RNF6: variants seen among roughly 807,000 people sequenced by gnomAD.
The protein encoded by RNF6 is E3 ubiquitin-protein ligase RNF6.
A neutral mutation model predicts 50.1 loss-of-function variants in RNF6; 21 were observed. The observed-to-expected ratio is 0.42, with a 90% CI of 0.30 to 0.60. RNF6 has a LOEUF of 0.60. Ranked by LOEUF, RNF6 falls within the 20% of genes least tolerant of loss-of-function variation. The pLI is 0.20. For synonymous variants in RNF6, 255 were observed against 291.8 expected, an observed-to-expected ratio of 0.87 and a Z score of 1.29; for missense variants, 698 against 838.2, an observed-to-expected ratio of 0.83 and a Z score of 2.07.
chr13:26,155,014 A>T (rs1177285789), intron 5 of RNF6, among the ~76,000 whole-genome samples: 1 of 151,916 alleles, frequency 6.6e-6, no homozygotes, highest in African/African-American at 2.4e-5. Flanking sequence ...TGGGCAAAAG[A>T]GCCAGATTCT....
At chr13:26,222,409 C>T (rs942073800), upstream of RNF6, 2 of 152,350 alleles carry the variant, frequency 1.3e-5, no homozygotes, top group Non-Finnish European at 2.9e-5. Flanking sequence ...GGCCAAATGC[C>T]CGGCCGCTCA....
rs1352050394 is a variant in RNF6 at position 26,213,308 on chromosome 13, C to T, written c.*516G>A. ...TAAAATTATATACCTATATATACACCTATGGTATGCTGCATATTAAATTTA... is the reference window on the plus strand; with the variant it reads ...TAAAATTATATACCTATATATACACTTATGGTATGCTGCATATTAAATTTA... On this transcript the variant is annotated 3_prime_UTR_variant, in exon 5 of 5. Transcript: ENST00000381588. 1 of 152,674 alleles carries T rather than the reference C, an allele frequency of 6.5e-6. No homozygotes were observed. The highest frequency in any genetic ancestry group is 6.5e-5 in the Admixed American group (1 of 15,276). 9.5% of individuals were successfully genotyped at this position (152,674 alleles called of 1,614,324 possible).
intron 5 of RNF6, among the ~76,000 whole-genome samples, chr13:26,188,864 G>T (rs1471373975): frequency 1.3e-5 from 2 of 151,706 alleles, no homozygotes; most frequent in East Asian, 3.9e-4. Context: ...TCTTGACCTC[G>T]TGATCTGCCC....
Position 26,173,510 on chromosome 13 carries a change from T to C in RNF6, n.769-41059A>G, listed in dbSNP as rs374113200. On this transcript the variant is annotated intron_variant and non_coding_transcript_variant, in intron 5 of 5. Transcript: ENST00000468480. Reference sequence around the variant, plus strand: ...ATTTTTGTAAATGTTTAAAAAGCCCTACAATTTCATATTTTGCTTATGGAT... The same window carrying C: ...ATTTTTGTAAATGTTTAAAAAGCCCCACAATTTCATATTTTGCTTATGGAT... Among the ~76,000 whole-genome samples, 10 of 152,272 alleles carry C rather than the reference T, an allele frequency of 6.6e-5. No homozygotes were observed. In the South Asian group the frequency reaches 1.0e-3, roughly 16 times the overall value.
intron 1 of RNF6, chr13:26,221,625 G>C (rs1460189284): frequency 6.6e-6 from 1 of 152,098 alleles, no homozygotes; most frequent in African/African-American, 2.4e-5. Flanking sequence ...TGTTACCAGG[G>C]TTAGGCGTCT....
In RNF6 at chr13:26,215,327, C is replaced by T. The variant is rs373878974; in HGVS notation, c.555G>A (p.Arg185=). The stretch of plus-strand genomic sequence containing the variant: ...CCACAGGACTAGTTGACCTTTGTTG[C>T]CTATTTGCAGTATGATCTCTGTTAC... The part of the protein sequence containing the change: ...SDSNRDHTAN[R]QQRSTSPVAR... Residue 185 remains arginine, a synonymous_variant, in exon 5 of 5, where the codon AGG becomes AGA. Coordinates refer to ENST00000381588, the MANE Select transcript of RNF6 (RefSeq NM_005977.4). 2.1e-5 allele frequency: 34 copies of T among 1,614,026 alleles called. No homozygotes were observed. Among genetic ancestry groups the T allele is most frequent in the African/African-American group, 4.0e-5 (3 of 74,918 alleles).
At chr13:26,165,761 G>A (rs749467188) in intron 5 of RNF6, among the ~76,000 whole-genome samples, 15 of 152,152 alleles carry the variant, frequency 9.9e-5, no homozygotes, top group Non-Finnish European at 1.9e-4. Context: ...TCTCCCATTT[G>A]GAATGGCTGT....
At chr13:26,209,739 G>C (rs1257986653), downstream of RNF6, among the ~76,000 whole-genome samples, 2 of 152,124 alleles carry the variant, frequency 1.3e-5, no homozygotes, top group African/African-American at 2.4e-5. Context: ...GGCTGGATTA[G>C]GATTAAGTAG....
intron 5 of RNF6, among the ~76,000 whole-genome samples, chr13:26,153,006 C>T (rs1329028911): frequency 3.3e-5 from 5 of 151,654 alleles, no homozygotes; most frequent in South Asian, 2.1e-4. Context: ...TACAAAAATG[C>T]GCCGGGTGTG....
chr13:26,176,669 A>G (rs1872970386), intron 5 of RNF6, among the ~76,000 whole-genome samples: 1 of 152,238 alleles, frequency 6.6e-6, no homozygotes, highest in African/African-American at 2.4e-5. Context: ...ACAGTGGCTC[A>G]CGCCTGTCAT....
chr13:26,166,604 C>T (rs1872463008), intron 5 of RNF6, among the ~76,000 whole-genome samples: 1 of 152,126 alleles, frequency 6.6e-6, no homozygotes, highest in African/African-American at 2.4e-5. Flanking sequence ...CTCATTCACT[C>T]TTGCCACAAA....
intron 5 of RNF6, among the ~76,000 whole-genome samples, chr13:26,138,330 A>C (rs570899302): frequency 2.0e-5 from 3 of 152,310 alleles, no homozygotes; most frequent in African/African-American, 7.2e-5. Flanking sequence ...TCACTAATAG[A>C]CTTGCCCTAC....
chr13:26,152,450 C>G (rs990091831), intron 5 of RNF6, among the ~76,000 whole-genome samples: 1 of 152,196 alleles, frequency 6.6e-6, no homozygotes, highest in African/African-American at 2.4e-5. Context: ...CACCCACCCC[C>G]AAGCCAGAAG....
At chr13:26,198,662 T>A (rs1308457830) in intron 5 of RNF6, among the ~76,000 whole-genome samples, 3 of 151,520 alleles carry the variant, frequency 2.0e-5, no homozygotes, top group Admixed American at 2.0e-4. Flanking sequence ...GTTAAAAAGT[T>A]AAAAAAAACC....
At chr13:26,136,711 T>C (rs1434419117) in intron 5 of RNF6, among the ~76,000 whole-genome samples, 1 of 152,008 alleles carries the variant, frequency 6.6e-6, no homozygotes, top group African/African-American at 2.4e-5. Flanking sequence ...GGTTGAGACA[T>C]ATACCCCCAA....
At position 26,213,849 on chromosome 13, in the gene RNF6, C is replaced by CTT; in HGVS notation, c.2032_2033insAA (p.Gly678GlufsTer5). 1 of 1,612,400 alleles carries CTT rather than the reference C, an allele frequency of 6.2e-7. No homozygotes were observed. Among genetic ancestry groups the CTT allele is most frequent in the South Asian group, 1.1e-5 (1 of 90,812 alleles). On this transcript the variant is annotated frameshift_variant, in exon 5 of 5. Transcript: ENST00000381588. LOFTEE classifies it high-confidence loss of function. ...TTACCCATTGTTTGCTATGTTAGAC[C>CTT]CTAAAACAGGCTGCCGACAGATCGG...
intron 5 of RNF6, among the ~76,000 whole-genome samples, chr13:26,163,423 T>C (rs1872309377): frequency 6.6e-6 from 1 of 152,248 alleles, no homozygotes; most frequent in Non-Finnish European, 1.5e-5. Context: ...TGTAATTTCA[T>C]CTGTCAATAC....
chr13:26,133,846 A>G (rs1013972582), intron 5 of RNF6, among the ~76,000 whole-genome samples: 1 of 152,188 alleles, frequency 6.6e-6, no homozygotes, highest in African/African-American at 2.4e-5. Flanking sequence ...GTTGACATCA[A>G]TTGACTGTAT....
rs567206366 is a variant in RNF6 at position 26,158,362 on chromosome 13, T to C, written n.769-25911A>G. ...GTGTATATATGTGTATGCTGGACGA[T>C]TGAACTGCCCATCCATCCCCTGGAA... On this transcript the variant is annotated intron_variant and non_coding_transcript_variant, in intron 5 of 5. Transcript: ENST00000468480. Among the ~76,000 whole-genome samples, 4 of 152,284 alleles carry C rather than the reference T, an allele frequency of 2.6e-5. No homozygotes were observed. The South Asian group carries it at 6.2e-4, about 24-fold the overall frequency.
Sources: allele counts gnomAD v4.1 joint callset (sites outside exome capture counted in the v4.1 genomes callset), GRCh38; gene constraint gnomAD v4.1.1; transcripts MANE v1.5; gene names NCBI Gene and HGNC (gene_info 2026-07-23, HGNC 2026-07-21).